Variants in QKI observed in about 807,000 individuals in gnomAD.
The protein encoded by QKI is KH domain-containing RNA-binding protein QKI.
A neutral mutation model predicts 39.0 loss-of-function variants in QKI; 10 were observed. That is an observed-to-expected ratio of 0.26 (90% CI 0.16 to 0.43). QKI has a LOEUF of 0.43. Among genes scored for constraint, QKI ranks in the 20% least tolerant of loss-of-function variants. The probability of loss-of-function intolerance (pLI) is 1.00; values close to 1 mark genes in which losing one functional copy is unlikely to be tolerated. For synonymous variants in QKI, 204 were observed against 155.4 expected (o/e 1.31, Z -2.33); for missense variants, 218 against 428.0 (o/e 0.51, Z 4.33).
intron 3 of QKI, among the ~76,000 whole-genome samples, chr6:163,513,719 T>A (rs1342912229): frequency 6.6e-6 from 1 of 152,128 alleles, no homozygotes; most frequent in Admixed American, 6.5e-5. Flanking sequence ...TTGTGCACAT[T>A]GTTGTCAAGA....
At chr6:163,519,739 C>T (rs1780036366) in intron 3 of QKI, among the ~76,000 whole-genome samples, 1 of 152,004 alleles carries the variant, frequency 6.6e-6, no homozygotes, top group African/African-American at 2.4e-5. Context: ...TAAATTGACC[C>T]TTGCTCTCAT....
At chr6:163,569,356 C>T (rs993864280) in intron 7 of QKI, 24 of 1,214,752 alleles carry the variant, frequency 2.0e-5, no homozygotes, top group African/African-American at 4.8e-5. Context: ...GAACATTACA[C>T]CTTCTGGGCT....
intron 3 of QKI, among the ~76,000 whole-genome samples, chr6:163,479,312 T>C (rs1792882375): frequency 2.0e-5 from 3 of 152,192 alleles, no homozygotes; most frequent in Non-Finnish European, 2.9e-5. Context: ...CTATGTTCCA[T>C]GTCAGGAACT....
intron 1 of QKI, among the ~76,000 whole-genome samples, chr6:163,429,470 T>C (rs1315845898): frequency 2.0e-5 from 3 of 152,316 alleles, no homozygotes; most frequent in East Asian, 1.9e-4. Flanking sequence ...TATAGTAATA[T>C]ATTTCATGCT....
chr6:163,576,111 G>GA lies in QKI; in HGVS notation c.*5407dup, dbSNP rs1039313835. The GA allele has an allele frequency of 1.3e-5, 2 of 152,056 alleles. No homozygotes were observed. The highest frequency in any genetic ancestry group is 4.8e-5 in the African/African-American group (2 of 41,390). The allele number at this position is 152,056 out of a possible 1,614,324, so 9.4% of individuals were successfully genotyped here. On this transcript the variant is annotated 3_prime_UTR_variant, in exon 8 of 8. Coordinates refer to ENST00000361752, the MANE Select transcript of QKI (RefSeq NM_006775.3). The stretch of plus-strand genomic sequence containing the variant: ...TTCCTTAATACCTTTATTTAAAATG[G>GA]AAAAAATATGGACAATATTTTAGAA...
At chr6:163,416,195 G>A (rs536077984) in intron 1 of QKI, 15 of 339,100 alleles carry the variant, frequency 4.4e-5, no homozygotes, top group South Asian at 3.1e-4. Flanking sequence ...CGTTTGGAAA[G>A]GGCGAAATAA....
At chr6:163,505,521 T>C (rs193197785) in intron 3 of QKI, among the ~76,000 whole-genome samples, 99 of 152,332 alleles carry the variant, frequency 6.5e-4, no homozygotes, top group Admixed American at 2.3e-3. Flanking sequence ...GTGTCCTGGA[T>C]GTGAAACATG....
At chr6:163,490,615 G>C (rs1316917259) in intron 3 of QKI, among the ~76,000 whole-genome samples, 1 of 152,146 alleles carries the variant, frequency 6.6e-6, no homozygotes, top group Non-Finnish European at 1.5e-5. Flanking sequence ...GCACAGTGGA[G>C]TGTTGGTATT....
At position 163,577,107 on chromosome 6, in the gene QKI, G is replaced by A. The variant is rs999484123; in HGVS notation, c.*6397G>A. 2 of 152,178 alleles carry A rather than the reference G, an allele frequency of 1.3e-5. No individual in the cohort carries two copies. Among genetic ancestry groups the A allele is most frequent in the Non-Finnish European group, 2.9e-5 (2 of 68,024 alleles). 9.4% of individuals were successfully genotyped at this position (152,178 alleles called of 1,614,324 possible). ...TGGTTTATTAAAAAAATCATTTCCA[G>A]TAGTGTGAAACCTTTACGAGTCTTT... On this transcript the variant is annotated 3_prime_UTR_variant, in exon 8 of 8. Transcript: ENST00000361752.
intron 4 of QKI, among the ~76,000 whole-genome samples, chr6:163,559,033 A>G (rs970420096): frequency 1.6e-4 from 25 of 152,270 alleles, no homozygotes; most frequent in Admixed American, 1.4e-3. Context: ...ACAAGTGTGC[A>G]CACACAGTGG....
chr6:163,450,544 G>C (rs550420300), intron 1 of QKI, among the ~76,000 whole-genome samples: 13 of 151,826 alleles, frequency 8.6e-5, no homozygotes, highest in African/African-American at 3.1e-4. Flanking sequence ...TGAATTAAGG[G>C]GAAAGAAAAA....
chr6:163,518,220 G>T (rs927155946), intron 3 of QKI, among the ~76,000 whole-genome samples: 1 of 152,084 alleles, frequency 6.6e-6, no homozygotes, highest in Non-Finnish European at 1.5e-5. Context: ...TCACATCCAC[G>T]GAAGGTAGTT....
chr6:163,447,744 C>G (rs946444964), intron 1 of QKI, among the ~76,000 whole-genome samples: 1 of 152,004 alleles, frequency 6.6e-6, no homozygotes, highest in Admixed American at 6.6e-5. Flanking sequence ...ATAACTAGAT[C>G]GCTTTATTTT....
intron 1 of QKI, among the ~76,000 whole-genome samples, chr6:163,440,181 C>G (rs1789661177): frequency 6.6e-6 from 1 of 152,226 alleles, no homozygotes. Flanking sequence ...TCTGTCATCA[C>G]TGCTTTTCCC....
chr6:163,439,644 G>A (rs1789606394), intron 1 of QKI, among the ~76,000 whole-genome samples: 1 of 146,188 alleles, frequency 6.8e-6, no homozygotes, highest in Non-Finnish European at 1.5e-5. Flanking sequence ...ATGAGCCACC[G>A]CGTCCTGAAT....
rs1783821825 is a variant in QKI, at chr6:163,573,612, T to C, written c.*2902T>C. 1 of 152,222 alleles carries C rather than the reference T, an allele frequency of 6.6e-6. No homozygotes were observed. The highest frequency in any genetic ancestry group is 2.4e-5 in the African/African-American group (1 of 41,470). 9.4% of individuals were successfully genotyped at this position (152,222 alleles called of 1,614,324 possible). On this transcript the variant is annotated 3_prime_UTR_variant, in exon 8 of 8. Transcript: ENST00000361752. The stretch of plus-strand genomic sequence containing the variant: ...TGATAACTGAAAATTGCCAATTGTT[T>C]TGCAGTACTTTATTATATTGGGTGT...
Position 163,574,787 on chromosome 6 carries a change from G to A in QKI, c.*4077G>A, listed in dbSNP as rs1044791666. 2.0e-5 allele frequency: 3 copies of A among 152,032 alleles called. No individual in the cohort carries two copies. The East Asian group carries it at 5.8e-4, about 29-fold the overall frequency. 9.4% of individuals were successfully genotyped at this position (152,032 alleles called of 1,614,324 possible). On this transcript the variant is annotated 3_prime_UTR_variant, in exon 8 of 8. Coordinates refer to ENST00000361752, the MANE Select transcript of QKI (RefSeq NM_006775.3). Reference sequence around the variant, plus strand: ...GTTCTCCTAGATACCAAAATCCTCAGGATGAATTTTTGCATTTGTAAATAA... The same window carrying A: ...GTTCTCCTAGATACCAAAATCCTCAAGATGAATTTTTGCATTTGTAAATAA...
intron 2 of QKI, among the ~76,000 whole-genome samples, chr6:163,471,016 T>G (rs944865455): frequency 1.2e-4 from 18 of 152,098 alleles, no homozygotes; most frequent in African/African-American, 4.3e-4. Context: ...AAGTCACAGA[T>G]TTGTGAAATT....
rs1236076351 is a variant in QKI at position 163,572,882 on chromosome 6, GTCTT to G, written c.*2176_*2179del. 1.3e-5 allele frequency: 2 copies of G among 151,986 alleles called. No individual in the cohort carries two copies. The highest frequency in any genetic ancestry group is 2.9e-5 in the Non-Finnish European group (2 of 67,996). 9.4% of individuals were successfully genotyped at this position (151,986 alleles called of 1,614,324 possible). ...CTTTGGTTTAATATGCCACTGCTTT[GTCTT>G]TCTGTTACACATACAGTTTTGATTT... is the stretch of plus-strand genomic sequence containing the variant. On this transcript the variant is annotated 3_prime_UTR_variant, in exon 8 of 8. Transcript: ENST00000361752.
Sources: allele counts gnomAD v4.1 joint callset (sites outside exome capture counted in the v4.1 genomes callset), GRCh38; gene constraint gnomAD v4.1.1; transcripts MANE v1.5; gene names NCBI Gene and HGNC (gene_info 2026-07-23, HGNC 2026-07-21).